The following GLB1L3 variants were observed in gnomAD, a reference collection of about 807,000 sequenced individuals.
GLB1L3 encodes beta-galactosidase-1-like protein 3.
In GLB1L3, 89 loss-of-function variants were observed where a neutral mutation model predicts 89.5. The observed-to-expected ratio is 0.99, with a 90% CI of 0.84 to 1.19. The LOEUF (loss-of-function observed/expected upper bound fraction) is 1.19. Ranked by LOEUF, GLB1L3 falls within the 50% of genes most tolerant of loss-of-function variation. GLB1L3 has a pLI of 0.00. For synonymous variants in GLB1L3, 314 were observed against 312.3 expected (o/e 1.01, Z -0.06); for missense variants, 812 against 813.3 (o/e 1.00, Z 0.02).
chr11:134,290,907 G>A (rs896318908), intron 7 of GLB1L3, among the ~76,000 whole-genome samples: 4 of 152,058 alleles, frequency 2.6e-5, no homozygotes, highest in African/African-American at 9.7e-5. Context: ...CTCTTCCAGG[G>A]CATTTCCTGG....
chr11:134,301,471 T>G (rs1303655845), intron 9 of GLB1L3, among the ~76,000 whole-genome samples: 1 of 152,146 alleles, frequency 6.6e-6, no homozygotes, highest in East Asian at 1.9e-4. Flanking sequence ...TTTGTGCTGG[T>G]CTTTCCTTTT....
At chr11:134,283,664 G>A (rs1270954469) in intron 5 of GLB1L3, 73 bp from the exon 6 acceptor site, 6 of 791,714 alleles carry the variant, frequency 7.6e-6, no homozygotes, top group Non-Finnish European at 1.3e-5. Context: ...GCGAGCCGGG[G>A]CAGCTCTGAG....
downstream of GLB1L3, among the ~76,000 whole-genome samples, chr11:134,323,053 G>A (rs780280510): frequency 6.6e-6 from 1 of 152,156 alleles, no homozygotes; most frequent in Non-Finnish European, 1.5e-5. Context: ...AGGTTTCTAA[G>A]TTCGCCACAT....
intron 7 of GLB1L3, among the ~76,000 whole-genome samples, chr11:134,289,665 G>A (rs1184160930): frequency 1.3e-5 from 2 of 152,206 alleles, no homozygotes; most frequent in African/African-American, 4.8e-5. Context: ...TGTAAATAAT[G>A]CTTCAAGAAC....
chr11:134,300,404 C>T (rs568556930), intron 9 of GLB1L3, among the ~76,000 whole-genome samples: 1 of 150,520 alleles, frequency 6.6e-6, no homozygotes, highest in Non-Finnish European at 1.5e-5. Context: ...GTGAACTCGG[C>T]TCACTGCAAG....
chr11:134,297,358 G>A (rs968684741), intron 9 of GLB1L3, among the ~76,000 whole-genome samples: 2 of 152,114 alleles, frequency 1.3e-5, no homozygotes, highest in Non-Finnish European at 2.9e-5. Flanking sequence ...AGATAATGTG[G>A]CTACATCATT....
At chr11:134,292,955 A>G (rs1005630856) in intron 8 of GLB1L3, 190 bp from the exon 9 acceptor site, 18 of 630,460 alleles carry the variant, frequency 2.9e-5, no homozygotes, top group Admixed American at 7.6e-5. Context: ...TGTCCTCGCA[A>G]GTGTCAGGGA....
At chr11:134,291,712 T>C (rs1941369880) in intron 7 of GLB1L3, among the ~76,000 whole-genome samples, 1 of 152,218 alleles carries the variant, frequency 6.6e-6, no homozygotes, top group South Asian at 2.1e-4. Flanking sequence ...TGGTGGCTCA[T>C]ACCTGTAATC....
rs564929421 is a variant in GLB1L3 at position 134,276,510 on chromosome 11, G to A, written c.-231G>A. On this transcript the variant is annotated 5_prime_UTR_variant, in exon 1 of 20. Transcript: ENST00000431683. ...CGGACGCACTGCGGGAACACCTGGAGCGCCGGCGGAGCTCGGCTGTCCCCG... is the reference window on the plus strand; with the variant it reads ...CGGACGCACTGCGGGAACACCTGGAACGCCGGCGGAGCTCGGCTGTCCCCG... The A allele has an allele frequency of 5.7e-3, 2,188 of 382,476 alleles. 11 individuals carry two copies. The highest frequency in any genetic ancestry group is 8.5e-3 in the Non-Finnish European group (1,839 of 217,288). 23.7% of individuals were successfully genotyped at this position (382,476 alleles called of 1,614,324 possible).
chr11:134,309,950 G>GCCC (rs1337912463), intron 11 of GLB1L3, 187 bp downstream of exon 11: 3 of 652,450 alleles, frequency 4.6e-6, no homozygotes, highest in Non-Finnish European at 7.7e-6. Flanking sequence ...TGTCATTGCA[G>GCCC]TAGACAGGGC....
At chr11:134,288,366 G>A (rs919438072) in intron 6 of GLB1L3, among the ~76,000 whole-genome samples, 1 of 152,192 alleles carries the variant, frequency 6.6e-6, no homozygotes, top group Admixed American at 6.5e-5. Flanking sequence ...TGTTGCAAAG[G>A]AAGGTCAAAG....
intron 9 of GLB1L3, among the ~76,000 whole-genome samples, chr11:134,306,473 C>T (rs2136192754): frequency 6.6e-6 from 1 of 152,204 alleles, no homozygotes; most frequent in South Asian, 2.1e-4. Context: ...AATCCAAATC[C>T]AGGGAGCAGC....
At chr11:134,294,072 C>CT (rs1344752375) in intron 9 of GLB1L3, among the ~76,000 whole-genome samples, 51 of 147,420 alleles carry the variant, frequency 3.5e-4, no homozygotes, top group East Asian at 2.2e-3. Flanking sequence ...TCATCAATTT[C>CT]TTTTTTTTTT....
In GLB1L3 at chr11:134,308,531, AC is replaced by A. The variant is rs1942503450; in HGVS notation, c.962-1094del. Among the ~76,000 whole-genome samples, 3 of 67,444 alleles carry A rather than the reference AC, an allele frequency of 4.4e-5. 1 individual carries two copies. Among genetic ancestry groups the A allele is most frequent in the Non-Finnish European group, 1.1e-4 (3 of 28,328 alleles). 44.2% of individuals were successfully genotyped at this position (67,444 alleles called of 152,430 possible). A position where few individuals can be genotyped will look rare whatever the true frequency, so the allele number is the denominator to read the frequency against. ...CACCACCACCACCATGTCCACCACCACTACCACCACCATCACCATCACCATC... is the reference window on the plus strand; with the variant it reads ...CACCACCACCACCATGTCCACCACCATACCACCACCATCACCATCACCATC... On this transcript the variant is annotated intron_variant, in intron 10 of 19. Coordinates refer to ENST00000431683, the MANE Select transcript of GLB1L3 (RefSeq NM_001080407.3).
intron 18 of GLB1L3, among the ~76,000 whole-genome samples, chr11:134,316,161 T>G (rs538779144): frequency 1.3e-5 from 2 of 152,142 alleles, no homozygotes; most frequent in East Asian, 3.9e-4. Flanking sequence ...AGCAATCTTT[T>G]TATTATCTTT....
rs561134022 is a variant in GLB1L3 at position 134,308,619 on chromosome 11, TCAC to T, written c.962-1001_962-999del. ...ATCACCTCCACCACCACCACCACTA[TCAC>T]CACCATCACCATCAACACCATCACC... On this transcript the variant is annotated intron_variant, in intron 10 of 19. Transcript: ENST00000431683. Among the ~76,000 whole-genome samples the T allele has an allele frequency of 2.0e-3, 179 of 87,610 alleles. 4 individuals are homozygous for T. In the South Asian group the frequency reaches 0.033, roughly 16 times the overall value. The allele number at this position is 87,610 out of a possible 152,430, so 57.5% of individuals were successfully genotyped here. A position where few individuals can be genotyped will look rare whatever the true frequency, so the allele number is the denominator to read the frequency against.
At chr11:134,288,765 T>C in intron 6 of GLB1L3, 33 bp from the exon 7 acceptor site, 1 of 1,548,210 alleles carries the variant, frequency 6.5e-7, no homozygotes. Flanking sequence ...CCAAATAGCC[T>C]CACTCTTTAA....
At chr11:134,317,858 G>A (rs879529081) in intron 18 of GLB1L3, among the ~76,000 whole-genome samples, 5 of 151,942 alleles carry the variant, frequency 3.3e-5, no homozygotes, top group Admixed American at 1.3e-4. Flanking sequence ...TATGTATGTT[G>A]TATATACATT....
At chr11:134,282,923 G>T (rs1940778196) in intron 5 of GLB1L3, among the ~76,000 whole-genome samples, 1 of 152,218 alleles carries the variant, frequency 6.6e-6, no homozygotes, top group Non-Finnish European at 1.5e-5. Flanking sequence ...GGCATAGCTT[G>T]GCTGGAGGCC....
Sources: allele counts gnomAD v4.1 joint callset (sites outside exome capture counted in the v4.1 genomes callset), GRCh38; gene constraint gnomAD v4.1.1; transcripts MANE v1.5; gene names NCBI Gene and HGNC (gene_info 2026-07-23, HGNC 2026-07-21).